CELF4: variants seen among roughly 807,000 people sequenced by gnomAD.
The protein encoded by CELF4 is CUG-BP- and ETR-3-like factor 4.
A neutral mutation model predicts 59.9 loss-of-function variants in CELF4; 18 were observed. That is an observed-to-expected ratio of 0.30 (90% confidence interval 0.21 to 0.45). The LOEUF is 0.45. Among genes scored for constraint, CELF4 ranks in the 20% least tolerant of loss-of-function variants. The pLI, the probability that CELF4 is intolerant of heterozygous loss-of-function variation, is 1.00. For synonymous variants in CELF4, 261 were observed against 267.1 expected, an observed-to-expected ratio of 0.98 and a Z score of 0.22; for missense variants, 456 against 689.0, an observed-to-expected ratio of 0.66 and a Z score of 3.79.
intron 1 of CELF4, among the ~76,000 whole-genome samples, chr18:37,493,977 C>A (rs533853908): frequency 1.3e-5 from 2 of 152,158 alleles, no homozygotes; most frequent in Non-Finnish European, 2.9e-5. Flanking sequence ...CAGAGATGTG[C>A]ACAGAGCTGG....
chr18:37,502,020 T>C (rs1197085823), intron 1 of CELF4, among the ~76,000 whole-genome samples: 1 of 152,164 alleles, frequency 6.6e-6, no homozygotes, highest in Non-Finnish European at 1.5e-5. Flanking sequence ...TGTGCATCAC[T>C]CGTGGTCTCA....
intron 2 of CELF4, among the ~76,000 whole-genome samples, chr18:37,408,003 A>G (rs2099401738): frequency 6.6e-6 from 1 of 152,208 alleles, no homozygotes; most frequent in Non-Finnish European, 1.5e-5. Flanking sequence ...AAACCGCAAC[A>G]CTGTGTGTAC....
chr18:37,495,873 G>T (rs1042648915), intron 1 of CELF4, among the ~76,000 whole-genome samples: 3 of 152,022 alleles, frequency 2.0e-5, no homozygotes, highest in African/African-American at 7.3e-5. Flanking sequence ...GTTTTGGGGG[G>T]TGCGATGGGC....
intron 3 of CELF4, among the ~76,000 whole-genome samples, chr18:37,310,670 C>A (rs1197991958): frequency 1.3e-5 from 2 of 152,226 alleles, no homozygotes; most frequent in Non-Finnish European, 2.9e-5. Context: ...CCTGTCCCTG[C>A]ACACCCTGCC....
intron 2 of CELF4, among the ~76,000 whole-genome samples, chr18:37,343,287 G>A (rs543890152): frequency 1.3e-5 from 2 of 152,028 alleles, no homozygotes; most frequent in Admixed American, 1.3e-4. Context: ...GGCCCTGTGT[G>A]CATTTGGGTG....
intron 1 of CELF4, among the ~76,000 whole-genome samples, chr18:37,486,538 A>G (rs2154603220): frequency 6.6e-6 from 1 of 152,364 alleles, no homozygotes. Context: ...TAAGCTGTCC[A>G]GCATGCCCAG....
chr18:37,423,394 G>C (rs572057452), intron 2 of CELF4, among the ~76,000 whole-genome samples: 2 of 152,288 alleles, frequency 1.3e-5, no homozygotes, highest in East Asian at 1.9e-4. Context: ...GTCCTTGTGG[G>C]GCCAGAGTGG....
intron 2 of CELF4, among the ~76,000 whole-genome samples, chr18:37,350,396 A>T (rs1172643226): frequency 1.3e-5 from 2 of 152,172 alleles, no homozygotes; most frequent in Admixed American, 1.3e-4. Context: ...TTCTCAGGAC[A>T]ACAGCTCACT....
rs2090982986 is a variant in CELF4, at chr18:37,271,048, G to T, written c.950-131C>A. The T allele has an allele frequency of 8.4e-6, 6 of 718,168 alleles. No individual in the cohort carries two copies. The East Asian group carries it at 1.4e-4, about 17-fold the overall frequency. The allele number at this position is 718,168 out of a possible 1,614,324, so 44.5% of individuals were successfully genotyped here. A position where few individuals can be genotyped will look rare whatever the true frequency, so the allele number is the denominator to read the frequency against. ...GGATAGACTTGGACCTCACATACCA[G>T]TTCAATCTTATCTATGACCCATGCC... On this transcript the variant is annotated intron_variant, in intron 7 of 12. Transcript: ENST00000420428.
intron 1 of CELF4, among the ~76,000 whole-genome samples, chr18:37,552,104 C>T (rs2099983393): frequency 6.6e-6 from 1 of 152,252 alleles, no homozygotes; most frequent in Non-Finnish European, 1.5e-5. Context: ...AGTGCCCCTA[C>T]CTGACTACTT....
chr18:37,514,155 C>G (rs1011011493), intron 1 of CELF4, among the ~76,000 whole-genome samples: 5 of 152,038 alleles, frequency 3.3e-5, no homozygotes, highest in African/African-American at 1.2e-4. Context: ...TTTCCTGTAC[C>G]CTGACCCATC....
chr18:37,377,257 A>G (rs2098981757), intron 2 of CELF4, among the ~76,000 whole-genome samples: 1 of 152,130 alleles, frequency 6.6e-6, no homozygotes, highest in Admixed American at 6.5e-5. Flanking sequence ...CTGCCTGGTA[A>G]GACTGCCTGA....
At chr18:37,292,758 T>C (rs891584834) in intron 3 of CELF4, among the ~76,000 whole-genome samples, 1 of 152,242 alleles carries the variant, frequency 6.6e-6, no homozygotes, top group Admixed American at 6.5e-5. Flanking sequence ...TTAGTAATAA[T>C]TTCATCTCCC....
At chr18:37,547,871 G>A (rs989176552) in intron 1 of CELF4, among the ~76,000 whole-genome samples, 1 of 151,962 alleles carries the variant, frequency 6.6e-6, no homozygotes, top group Non-Finnish European at 1.5e-5. Flanking sequence ...ATGTATCTGG[G>A]TCCGTGTGTG....
chr18:37,420,125 T>C (rs1432805615), intron 2 of CELF4, among the ~76,000 whole-genome samples: 1 of 152,094 alleles, frequency 6.6e-6, no homozygotes. Context: ...TGCTATGTGG[T>C]GGGGGAACCT....
intron 3 of CELF4, among the ~76,000 whole-genome samples, chr18:37,284,462 G>C (rs761660749): frequency 1.3e-5 from 2 of 152,186 alleles, no homozygotes; most frequent in Non-Finnish European, 2.9e-5. Context: ...TGGCCTCACA[G>C]TGCACCATGC....
At chr18:37,348,651 G>C (rs2098357001) in intron 2 of CELF4, among the ~76,000 whole-genome samples, 1 of 152,078 alleles carries the variant, frequency 6.6e-6, no homozygotes, top group African/African-American at 2.4e-5. Flanking sequence ...CCCTCCTCCT[G>C]GTCTTGGCTT....
At chr18:37,344,329 C>A (rs972549657) in intron 2 of CELF4, among the ~76,000 whole-genome samples, 1 of 152,356 alleles carries the variant, frequency 6.6e-6, no homozygotes, top group South Asian at 2.1e-4. Flanking sequence ...ACAGAACAAC[C>A]CGTGAAACAG....
At chr18:37,399,330 CT>C (rs1034556016) in intron 2 of CELF4, among the ~76,000 whole-genome samples, 1 of 152,070 alleles carries the variant, frequency 6.6e-6, no homozygotes, top group African/African-American at 2.4e-5. Flanking sequence ...GTTTGCCCCC[CT>C]TTTTTCTCTC....
Sources: allele counts gnomAD v4.1 joint callset (sites outside exome capture counted in the v4.1 genomes callset), GRCh38; gene constraint gnomAD v4.1.1; transcripts MANE v1.5; gene names NCBI Gene and HGNC (gene_info 2026-07-23, HGNC 2026-07-21).